RFC4: variants seen among roughly 807,000 people sequenced by gnomAD.
The protein encoded by RFC4 is replication factor C subunit 4.
In RFC4, 38 loss-of-function variants were observed where a neutral mutation model predicts 47.6. That is an observed-to-expected ratio of 0.80 (90% CI 0.62 to 1.05). The LOEUF (loss-of-function observed/expected upper bound fraction) is 1.05, where lower values mean the gene tolerates loss of function less well. Among genes scored for constraint, RFC4 ranks in the 50% least tolerant of loss-of-function variants. The pLI is 0.00. For synonymous variants in RFC4, 164 were observed against 150.0 expected, an observed-to-expected ratio of 1.09 and a Z score of -0.68; for missense variants, 489 against 434.0, an observed-to-expected ratio of 1.13 and a Z score of -1.13.
At chr3:186,790,711 G>A (rs933341848) in intron 8 of RFC4, among the ~76,000 whole-genome samples, 2 of 151,992 alleles carry the variant, frequency 1.3e-5, no homozygotes, top group Non-Finnish European at 2.9e-5. Flanking sequence ...CGGCTATAAC[G>A]ATTCCTCAGA....
At position 186,803,785 on chromosome 3, in the gene RFC4, T is replaced by A. The variant is rs184238063; in HGVS notation, c.131+798A>T. On this transcript the variant is annotated intron_variant, in intron 2 of 10. Coordinates refer to ENST00000296273, the MANE Select transcript of RFC4 (RefSeq NM_002916.5). Reference sequence around the variant, plus strand: ...CCTTGGCCTCCCAAATTGCTGGGATTACATACAGGATTATAGGCATGAGCC... The same window carrying A: ...CCTTGGCCTCCCAAATTGCTGGGATAACATACAGGATTATAGGCATGAGCC... Among the ~76,000 whole-genome samples the A allele has an allele frequency of 7.9e-5, 12 of 151,980 alleles. 1 individual carries two copies. The highest frequency in any genetic ancestry group is 2.4e-4 in the African/African-American group (10 of 41,454).
chr3:186,791,506 G>A (rs1185787597), intron 8 of RFC4: 3 of 533,104 alleles, frequency 5.6e-6, no homozygotes, highest in African/African-American at 1.9e-5. Context: ...AACTGAAAGT[G>A]TCCTTTTCTT....
chr3:186,805,996 C>T (rs545040344), intron 1 of RFC4, among the ~76,000 whole-genome samples: 45 of 152,344 alleles, frequency 3.0e-4, no homozygotes, highest in African/African-American at 1.1e-3. Flanking sequence ...TAGTTCCTTG[C>T]TTGGCATATG....
intron 2 of RFC4, chr3:186,801,436 C>A: frequency 2.1e-6 from 1 of 484,910 alleles, no homozygotes. Flanking sequence ...TCTGTTATAC[C>A]CACAAAAATT....
chr3:186,795,298 T>C (rs1722220854), intron 4 of RFC4, among the ~76,000 whole-genome samples: 1 of 152,214 alleles, frequency 6.6e-6, no homozygotes, highest in Non-Finnish European at 1.5e-5. Context: ...GCCCCACATA[T>C]AAAATTTTAA....
intron 2 of RFC4, among the ~76,000 whole-genome samples, chr3:186,802,787 T>C (rs938318662): frequency 2.6e-5 from 4 of 152,172 alleles, no homozygotes; most frequent in African/African-American, 9.7e-5. Flanking sequence ...AAGCAGGGAC[T>C]CATATTCAAA....
intron 8 of RFC4, 145 bp from the exon 9 acceptor site, chr3:186,790,551 G>T: frequency 1.5e-6 from 1 of 668,574 alleles, no homozygotes; most frequent in East Asian, 2.7e-5. Flanking sequence ...GAACGGAAAG[G>T]GCCAGAGTAA....
At chr3:186,801,629 C>A (rs984275283) in intron 2 of RFC4, among the ~76,000 whole-genome samples, 1 of 142,740 alleles carries the variant, frequency 7.0e-6, no homozygotes, top group African/African-American at 2.6e-5. Context: ...GAGAACGGCA[C>A]GAACCTGGGA....
chr3:186,797,680 G>GA (rs1722270795), intron 3 of RFC4, 66 bp from the exon 4 acceptor site: 5 of 1,126,402 alleles, frequency 4.4e-6, no homozygotes, highest in South Asian at 4.0e-5. Flanking sequence ...AAGGAAGATC[G>GA]AAAAAAATGT....
Position 186,792,520 on chromosome 3 carries a change from G to C in RFC4, c.645C>G (p.Ala215=), listed in dbSNP as rs572866983. 6.2e-7 allele frequency: 1 copy of C among 1,612,742 alleles called. No homozygotes were observed. Among genetic ancestry groups the C allele is most frequent in the Non-Finnish European group, 8.5e-7 (1 of 1,178,896 alleles). Residue 215 remains alanine, a synonymous_variant, in exon 7 of 11, where the codon GCC becomes GCG. Coordinates refer to ENST00000296273, the MANE Select transcript of RFC4 (RefSeq NM_002916.5). The part of the protein sequence containing the change: ...KIQQQRLLDI[A]KKENVKISDE... ...CACTAATTTTGACATTTTCCTTCTT[G>C]GCAATGTCTAGTAATCGCTGCTGTT...
At chr3:186,798,616 T>G (rs917395903) in intron 3 of RFC4, among the ~76,000 whole-genome samples, 10 of 152,064 alleles carry the variant, frequency 6.6e-5, no homozygotes, top group Non-Finnish European at 1.5e-4. Context: ...TCCTTCACCT[T>G]CCAGGCTCTA....
At position 186,804,635 on chromosome 3, in the gene RFC4, C is replaced by A; in HGVS notation, c.79G>T (p.Gly27Ter). The change falls in exon 2 of 11, where the codon GGA (glycine) becomes TGA (stop). Residue 27 changes from glycine to a stop codon, truncating the protein, a stop_gained. Transcript: ENST00000296273. LOFTEE classifies it high-confidence loss of function. ...GCTTTCTTGTTCTCTCCGCTACTTC[C>A]CGCACTGGCAGCTACTCCTCGATCC... ...TKDRGVAASA[G>*]SSGENKKAKP... 6.2e-7 allele frequency: 1 copy of A among 1,614,106 alleles called. No individual in the cohort carries two copies. Among genetic ancestry groups the A allele is most frequent in the Non-Finnish European group, 8.5e-7 (1 of 1,180,024 alleles).
intron 8 of RFC4, 92 bp from the exon 9 acceptor site, chr3:186,790,498 G>T: frequency 1.2e-6 from 1 of 862,496 alleles, no homozygotes; most frequent in South Asian, 1.4e-5. Context: ...AGTCATTTCT[G>T]TTCCACACCT....
rs138353141 is a variant in RFC4, at chr3:186,796,965, A to G, written c.290+570T>C. On this transcript the variant is annotated intron_variant, in intron 4 of 10. Coordinates refer to ENST00000296273, the MANE Select transcript of RFC4 (RefSeq NM_002916.5). The surrounding 1 kb of genome is among the most constrained non-coding windows in gnomAD (Gnocchi z 4.2). ...ATGGCTGGTTAAGCCAAGATGGTCAATCTAGGAAGAGGAACATAAGAAGGT... is the reference window on the plus strand; with the variant it reads ...ATGGCTGGTTAAGCCAAGATGGTCAGTCTAGGAAGAGGAACATAAGAAGGT... Among the ~76,000 whole-genome samples the G allele has an allele frequency of 1.5e-3, 226 of 152,298 alleles. 1 individual carries two copies. The East Asian group carries it at 0.017, about 11-fold the overall frequency.
In RFC4 at chr3:186,804,586, T is replaced by A; in HGVS notation, c.128A>T (p.Lys43Ile). 1.2e-6 allele frequency: 2 copies of A among 1,614,076 alleles called. No individual in the cohort carries two copies. Among genetic ancestry groups the A allele is most frequent in the Non-Finnish European group, 1.7e-6 (2 of 1,179,972 alleles). Residue 43 changes from lysine to isoleucine, a missense_variant, in exon 2 of 11, where the codon AAA (lysine) becomes ATA (isoleucine). By Grantham distance (102) the Lys-to-Ile change is moderately radical. Transcript: ENST00000296273. ...ACAAAGACACAAGTGTTCTTACTATTTTTCCACCCAGGGAACGGGTTTGGC... is the reference window on the plus strand; with the variant it reads ...ACAAAGACACAAGTGTTCTTACTATATTTCCACCCAGGGAACGGGTTTGGC... ...KKAKPVPWVE[K>I]YRPKCVDEVA...
intron 10 of RFC4, 39 bp from the exon 11 acceptor site, chr3:186,790,103 G>A (rs748636295): frequency 1.2e-6 from 2 of 1,603,436 alleles, no homozygotes; most frequent in African/African-American, 2.7e-5. Context: ...CCTTCAGGTA[G>A]TTAAATGTTC....
rs1047895132 is a variant in RFC4, at chr3:186,796,048, C to T, written c.291-1271G>A. On this transcript the variant is annotated intron_variant, in intron 4 of 10. Coordinates refer to ENST00000296273, the MANE Select transcript of RFC4 (RefSeq NM_002916.5). This position sits in a 1 kb window ranked among gnomAD's most constrained non-coding sequence, Gnocchi z 4.2. ...TTTTACACACACACACACACACACA[C>T]ACACACATTTAAATAAAAAACAAGA... 2.0e-5 allele frequency among the ~76,000 whole-genome samples: 3 copies of T among 151,846 alleles called. No homozygotes were observed. Among genetic ancestry groups the T allele is most frequent in the African/African-American group, 4.8e-5 (2 of 41,290 alleles).
In RFC4 at chr3:186,801,193, C is replaced by A. The variant is rs1437049040; in HGVS notation, c.134G>T (p.Arg45Leu). 9 of 1,613,528 alleles carry A rather than the reference C, an allele frequency of 5.6e-6. No homozygotes were observed. The highest frequency in any genetic ancestry group is 7.6e-6 in the Non-Finnish European group (9 of 1,179,642). ...AKPVPWVEKY[R>L]PKCVDEVAFQ... ...AGCAACTTCATCCACACATTTTGGG[C>A]GACTTGCGGGGTGAGAAGGAGGAAA... Residue 45 changes from arginine to leucine, a missense_variant and splice_region_variant, in exon 3 of 11, where the codon CGC becomes CTC. Coordinates refer to ENST00000296273, the MANE Select transcript of RFC4 (RefSeq NM_002916.5).
chr3:186,796,338 G>A lies in RFC4; in HGVS notation c.290+1197C>T, dbSNP rs929592358. On this transcript the variant is annotated intron_variant, in intron 4 of 10. Coordinates refer to ENST00000296273, the MANE Select transcript of RFC4 (RefSeq NM_002916.5). The surrounding 1 kb of genome is among the most constrained non-coding windows in gnomAD (Gnocchi z 4.2). ...GATTGGTTCTATCTGATTGAGTTGTGGAATAATCAAAAAAGTTCTTCTATA... is the reference window on the plus strand; with the variant it reads ...GATTGGTTCTATCTGATTGAGTTGTAGAATAATCAAAAAAGTTCTTCTATA... Among the ~76,000 whole-genome samples, 2 of 151,926 alleles carry A rather than the reference G, an allele frequency of 1.3e-5. No individual in the cohort carries two copies. The highest frequency in any genetic ancestry group is 4.1e-4 in the South Asian group (2 of 4,830).
Sources: allele counts gnomAD v4.1 joint callset (sites outside exome capture counted in the v4.1 genomes callset), GRCh38; gene constraint gnomAD v4.1.1; non-coding constraint Gnocchi (gnomAD v3.1); transcripts MANE v1.5; gene names NCBI Gene and HGNC (gene_info 2026-07-23, HGNC 2026-07-21).